The following MYH11 variants were observed in gnomAD, a reference collection of about 807,000 sequenced individuals.
MYH11 encodes myosin heavy chain 11.
A neutral mutation model predicts 246.6 loss-of-function variants in MYH11; 80 were observed. The ratio of observed to expected loss-of-function variants is 0.32; its 90% CI spans 0.27 to 0.39. The LOEUF is 0.39. Among genes scored for constraint, MYH11 ranks in the 10% least tolerant of loss-of-function variants. The pLI is 1.00. For missense variants in MYH11, 2,158 were observed against 2,546.8 expected, an observed-to-expected ratio of 0.85 and a Z score of 3.29; for synonymous variants, 1,071 against 1,015.5, an observed-to-expected ratio of 1.05 and a Z score of -1.04.
chr16:15,815,920 A>G (rs538217866), intron 3 of MYH11, among the ~76,000 whole-genome samples: 2 of 152,192 alleles, frequency 1.3e-5, no homozygotes, highest in African/African-American at 4.8e-5. Context: ...CTAGAAGGCA[A>G]CAACACAAAT....
At chr16:15,811,259 T>C (rs7206453) in intron 3 of MYH11, among the ~76,000 whole-genome samples, 13,549 of 152,238 alleles carry the variant, frequency 0.089, 696 homozygotes, top group Middle Eastern at 0.15. Flanking sequence ...TATGGTATTT[T>C]GATATAGCAG....
intron 6 of MYH11, among the ~76,000 whole-genome samples, chr16:15,781,561 C>A (rs11866891): frequency 6.6e-6 from 1 of 152,012 alleles, no homozygotes; most frequent in African/African-American, 2.4e-5. Context: ...GACCCTCCTA[C>A]GGAGACAACC....
chr16:15,812,551 TAAAAAAAAA>T (rs71134466), intron 3 of MYH11, among the ~76,000 whole-genome samples: 39 of 37,406 alleles, frequency 1.0e-3, no homozygotes, highest in African/African-American at 3.1e-3. Flanking sequence ...ATCTTATCTC[TAAAAAAAAA>T]AAAAAAAAAA....
At chr16:15,832,083 C>A (rs2043755798) in intron 2 of MYH11, among the ~76,000 whole-genome samples, 1 of 152,050 alleles carries the variant, frequency 6.6e-6, no homozygotes, top group Non-Finnish European at 1.5e-5. Context: ...TCCTTGTGTC[C>A]CCGGGTGGAC....
chr16:15,829,973 A>G (rs1052759599), intron 2 of MYH11, among the ~76,000 whole-genome samples: 1 of 152,106 alleles, frequency 6.6e-6, no homozygotes, highest in African/African-American at 2.4e-5. Context: ...CATCTCTACT[A>G]AAAATACAAA....
rs748867861 is a variant in MYH11, at chr16:15,741,795, T to C, written c.2617A>G (p.Asn873Asp). ...TTCTGTTCCAGCTCCTTAAGCTCAT[T>C]CTCTGCCTTCTGCTGCCGCTCCTTG... Reference protein sequence around the residue: ...KTKERQQKAENELKELEQKHS... With the variant: ...KTKERQQKAEDELKELEQKHS... The change falls in exon 21 of 41, where the codon AAT becomes GAT. Residue 873 changes from asparagine (N) to aspartate (D), a missense_variant. By Grantham distance (23) the Asn-to-Asp change is conservative. Transcript: ENST00000300036. 2 of 1,614,182 alleles carry C rather than the reference T, an allele frequency of 1.2e-6. No homozygotes were observed. Among genetic ancestry groups the C allele is most frequent in the Non-Finnish European group, 1.7e-6 (2 of 1,180,038 alleles).
intron 38 of MYH11, among the ~76,000 whole-genome samples, chr16:15,715,868 G>C (rs1161769653): frequency 6.6e-6 from 1 of 152,184 alleles, no homozygotes; most frequent in Non-Finnish European, 1.5e-5. Flanking sequence ...GCTCATGCCT[G>C]TAATCCCAGT....
chr16:15,845,816 G>A (rs540908011), intron 1 of MYH11, among the ~76,000 whole-genome samples: 3 of 152,274 alleles, frequency 2.0e-5, no homozygotes, highest in East Asian at 3.9e-4. Context: ...AGTAGGCCGA[G>A]TGTGATGGCT....
intron 27 of MYH11, among the ~76,000 whole-genome samples, chr16:15,730,831 C>T (rs1272317607): frequency 6.6e-6 from 1 of 152,178 alleles, no homozygotes; most frequent in African/African-American, 2.4e-5. Flanking sequence ...GAGAGAAGAG[C>T]ACCCAAGATT....
chr16:15,804,886 A>G (rs1455824615), intron 3 of MYH11, among the ~76,000 whole-genome samples: 4 of 152,154 alleles, frequency 2.6e-5, no homozygotes, highest in African/African-American at 9.7e-5. Flanking sequence ...GATGGATCAT[A>G]TTTTGTTTAT....
At chr16:15,826,065 G>A (rs1688623997) in intron 2 of MYH11, among the ~76,000 whole-genome samples, 1 of 152,086 alleles carries the variant, frequency 6.6e-6, no homozygotes, top group Non-Finnish European at 1.5e-5. Flanking sequence ...AGCCTGGCCC[G>A]CCCCCAGGTA....
rs111275327 is a variant in MYH11, at chr16:15,739,747, CT to C, written c.2997+303del. On this transcript the variant is annotated intron_variant, in intron 23 of 40. Transcript: ENST00000300036. Reference sequence around the variant, plus strand: ...TTTTTAATGCAGAAACTTGATTCCACTTTTTTTTTTTTTTGAAACAGAGTCA... The same window carrying C: ...TTTTTAATGCAGAAACTTGATTCCACTTTTTTTTTTTTTGAAACAGAGTCA... Among the ~76,000 whole-genome samples the C allele has an allele frequency of 0.031, 4,471 of 145,666 alleles. 87 individuals carry two copies. The highest frequency in any genetic ancestry group is 0.055 in the African/African-American group (2,197 of 40,168).
At chr16:15,832,733 C>T (rs1275641455) in intron 2 of MYH11, among the ~76,000 whole-genome samples, 1 of 152,058 alleles carries the variant, frequency 6.6e-6, no homozygotes, top group East Asian at 1.9e-4. Context: ...AGCTTGTCTA[C>T]CTCAAAGCTA....
intron 38 of MYH11, among the ~76,000 whole-genome samples, chr16:15,716,199 C>T (rs1055313096): frequency 6.6e-6 from 1 of 152,116 alleles, no homozygotes; most frequent in Non-Finnish European, 1.5e-5. Flanking sequence ...TCCCAAAGTG[C>T]CGGGATTATG....
In MYH11 at chr16:15,824,659, C is replaced by T. The variant is rs556037723; in HGVS notation, c.346-1248G>A. 2.6e-5 allele frequency among the ~76,000 whole-genome samples: 4 copies of T among 152,156 alleles called. No homozygotes were observed. In the South Asian group the frequency reaches 6.2e-4, roughly 24 times the overall value. On this transcript the variant is annotated intron_variant, in intron 2 of 40. Coordinates refer to ENST00000300036, the MANE Select transcript of MYH11 (RefSeq NM_002474.3). The stretch of plus-strand genomic sequence containing the variant: ...TAAAAAGGGGCTGTCCAGAGGGATC[C>T]GCAGTCATACAGAAACACAGCTGCC...
chr16:15,816,802 A>T (rs1349760954), intron 3 of MYH11, among the ~76,000 whole-genome samples: 1 of 151,990 alleles, frequency 6.6e-6, no homozygotes, highest in East Asian at 1.9e-4. Flanking sequence ...CCAAAAAAAA[A>T]AAAAATCAAT....
At chr16:15,839,512 G>A (rs1220883572) in intron 1 of MYH11, among the ~76,000 whole-genome samples, 1 of 151,834 alleles carries the variant, frequency 6.6e-6, no homozygotes, top group Non-Finnish European at 1.5e-5. Context: ...GGGCAACATG[G>A]TGAGACCCCT....
At chr16:15,756,792 TC>T (rs1274895095) in intron 13 of MYH11, among the ~76,000 whole-genome samples, 7 of 117,348 alleles carry the variant, frequency 6.0e-5, no homozygotes, top group African/African-American at 1.7e-4. Context: ...AGTTCATAAC[TC>T]TTTTTTTTTT....
intron 16 of MYH11, chr16:15,749,666 A>G (rs1307015662): frequency 4.4e-6 from 1 of 225,030 alleles, no homozygotes; most frequent in Non-Finnish European, 8.9e-6. Flanking sequence ...GCATTGTACA[A>G]TGCTTAGGGC....
Sources: gnomAD v4.1 joint callset for allele counts (sites outside exome capture counted in the v4.1 genomes callset) on GRCh38, gnomAD v4.1.1 for gene constraint, MANE v1.5 for transcripts, NCBI Gene and HGNC (gene_info 2026-07-23, HGNC 2026-07-21) for gene names.